Variants in SHPRH observed in about 807,000 individuals in gnomAD.
SHPRH encodes the protein E3 ubiquitin-protein ligase SHPRH.
Under a neutral mutation model 202.5 loss-of-function variants are expected in SHPRH, and 106 were observed. That is an observed-to-expected ratio of 0.52 (90% CI 0.45 to 0.62). The LOEUF (loss-of-function observed/expected upper bound fraction) is 0.62. Ranked by LOEUF, SHPRH falls within the 20% of genes least tolerant of loss-of-function variation. SHPRH has a pLI of 0.00. For missense variants in SHPRH, 1,710 were observed against 2,020.0 expected (o/e 0.85, Z 2.94); for synonymous variants, 729 against 686.0 (o/e 1.06, Z -0.98).
At position 145,954,691 on chromosome 6, in the gene SHPRH, T is replaced by C; in HGVS notation, c.632A>G (p.Lys211Arg). 6.4e-7 allele frequency: 1 copy of C among 1,572,914 alleles called. No homozygotes were observed. Among genetic ancestry groups the C allele is most frequent in the Non-Finnish European group, 8.6e-7 (1 of 1,165,998 alleles). The change falls in exon 2 of 30, where the codon AAG becomes AGG. Residue 211 changes from lysine to arginine, a missense_variant and splice_region_variant. Transcript: ENST00000275233. ...AAGACACCACAAAAAACTGAGTACCTTGATAATGTGATTTCCTTCTGGTTT... is the reference window on the plus strand; with the variant it reads ...AAGACACCACAAAAAACTGAGTACCCTGATAATGTGATTTCCTTCTGGTTT... Reference protein sequence around the residue: ...YQKPEGNHIIKVGIYLLEAGL... With the variant: ...YQKPEGNHIIRVGIYLLEAGL...
At position 145,874,184 on chromosome 6, in the gene SHPRH, G is replaced by A. The variant is rs202017380; in HGVS notation, c.222-9693C>T. On this transcript the variant is annotated intron_variant, in intron 2 of 2. Coordinates refer to the SHPRH transcript ENST00000417762. ...TTGCACTCCAGTCTGGGCAACAAGAGTGAAACTCCATCTCAAAAATAATAA... is the reference window on the plus strand; with the variant it reads ...TTGCACTCCAGTCTGGGCAACAAGAATGAAACTCCATCTCAAAAATAATAA... Among the ~76,000 whole-genome samples the A allele has an allele frequency of 2.2e-4, 33 of 150,380 alleles. No individual in the cohort carries two copies. In the East Asian group the frequency reaches 5.8e-3, roughly 26 times the overall value.
downstream of SHPRH, chr6:145,862,626 C>T (rs907761703): frequency 6.6e-6 from 1 of 152,192 alleles, no homozygotes; most frequent in Non-Finnish European, 1.5e-5. Context: ...CTTGTTTTTA[C>T]GTTCACAGCA....
At chr6:145,874,987 C>A (rs1303637334) in intron 2 of SHPRH, among the ~76,000 whole-genome samples, 1 of 152,134 alleles carries the variant, frequency 6.6e-6, no homozygotes, top group East Asian at 1.9e-4. Flanking sequence ...CATCCCAAAT[C>A]CCAAAATCCC....
intron 23 of SHPRH, 83 bp downstream of exon 23, chr6:145,918,048 G>C (rs1378756093): frequency 1.3e-5 from 13 of 972,516 alleles, no homozygotes; most frequent in Non-Finnish European, 1.7e-5. Context: ...ACAACAATTT[G>C]CACCATTAAT....
intron 17 of SHPRH, 113 bp downstream of exon 17, chr6:145,924,626 T>C: frequency 1.3e-6 from 1 of 779,460 alleles, no homozygotes; most frequent in Non-Finnish European, 2.1e-6. Flanking sequence ...ATGTGCTAGG[T>C]GCTAAGGATT....
intron 24 of SHPRH, 24 bp downstream of exon 24, chr6:145,913,454 A>G (rs765204669): frequency 6.3e-7 from 1 of 1,586,092 alleles, no homozygotes; most frequent in Non-Finnish European, 8.6e-7. Context: ...TTATAAATGC[A>G]TGTGATGTTT....
chr6:145,936,159 A>C (rs1786047401), intron 11 of SHPRH, among the ~76,000 whole-genome samples: 1 of 151,956 alleles, frequency 6.6e-6, no homozygotes, highest in East Asian at 1.9e-4. Context: ...CACTTAACAT[A>C]CCCTAAACAG....
At position 145,940,754 on chromosome 6, in the gene SHPRH, G is replaced by A. The variant is rs1166729818; in HGVS notation, c.2538C>T (p.Ile846=). The change falls in exon 11 of 30, where the codon ATC becomes ATT. Residue 846 remains isoleucine, a synonymous_variant. Coordinates refer to ENST00000275233, the MANE Select transcript of SHPRH (RefSeq NM_001042683.3). ...QRLSGINRWC[I]SGTPVQRGLE... The stretch of plus-strand genomic sequence containing the variant: ...ATCCTCTCTGTACTGGAGTGCCACT[G>A]ATACACCATCGATTAATCCCACTCA... 6.2e-7 allele frequency: 1 copy of A among 1,613,782 alleles called. No homozygotes were observed. The highest frequency in any genetic ancestry group is 1.3e-5 in the African/African-American group (1 of 75,000).
At position 145,943,323 on chromosome 6, in the gene SHPRH, T is replaced by C. The variant is rs1308821910; in HGVS notation, c.2058A>G (p.Ala686=). The C allele has an allele frequency of 6.2e-7, 1 of 1,613,866 alleles. No individual in the cohort carries two copies. Among genetic ancestry groups the C allele is most frequent in the South Asian group, 1.1e-5 (1 of 91,068 alleles). The part of the protein sequence containing the change: ...QCLKCHLWQH[A]KCVNYDEKNL... ...TTTTCTCATCATAATTCACACACTT[T>C]GCATGTTGCCACAGGTGACACTTCA... Residue 686 remains alanine, a synonymous_variant, in exon 9 of 30, where the codon GCA becomes GCG. Transcript: ENST00000275233.
At chr6:145,911,215 C>T (rs2128737089) in intron 24 of SHPRH, among the ~76,000 whole-genome samples, 1 of 152,174 alleles carries the variant, frequency 6.6e-6, no homozygotes, top group East Asian at 1.9e-4. Flanking sequence ...TGCAACCTTG[C>T]AACCTCCACC....
rs1781717974 is a variant in SHPRH at position 145,893,207 on chromosome 6, G to A, written c.4874+8C>T. On this transcript the variant is annotated splice_region_variant and intron_variant, in intron 28 of 29. Transcript: ENST00000275233. ...GCAAATGTGACTGATTCTAATTTTAGTCCTTACTTTGTCTGTCCAATTCGG... is the reference window on the plus strand; with the variant it reads ...GCAAATGTGACTGATTCTAATTTTAATCCTTACTTTGTCTGTCCAATTCGG... 6.6e-7 allele frequency: 1 copy of A among 1,507,260 alleles called. No homozygotes were observed. The highest frequency in any genetic ancestry group is 1.4e-5 in the African/African-American group (1 of 70,148). 93.4% of individuals were successfully genotyped at this position (1,507,260 alleles called of 1,614,324 possible). A position where few individuals can be genotyped will look rare whatever the true frequency, so the allele number is the denominator to read the frequency against.
At chr6:145,886,863 C>T in intron 29 of SHPRH, 76 bp from the exon 30 acceptor site, 2 of 1,448,152 alleles carry the variant, frequency 1.4e-6, no homozygotes. Flanking sequence ...GTAATACGAA[C>T]TAGACACATA....
the SHPRH span, among the ~76,000 whole-genome samples, chr6:145,858,418 G>T: frequency 6.8e-4 from 104 of 152,062 alleles, no homozygotes; most frequent in African/African-American, 2.4e-3. Context: ...CAATTTGGAT[G>T]AATCTTAAAA....
At chr6:145,887,537 T>TG (rs1781162895) in intron 29 of SHPRH, among the ~76,000 whole-genome samples, 1 of 147,940 alleles carries the variant, frequency 6.8e-6, no homozygotes, top group African/African-American at 2.5e-5. Flanking sequence ...AAGTTTGTTT[T>TG]TTTTTTTTTT....
intron 25 of SHPRH, chr6:145,905,119 T>G (rs1425093322): frequency 6.6e-6 from 1 of 152,182 alleles, no homozygotes; most frequent in African/African-American, 2.4e-5. Flanking sequence ...TTCTTTCTTA[T>G]GCCAGTTCCT....
chr6:145,926,291 A>G lies in SHPRH; in HGVS notation c.3207T>C (p.Leu1069=). The G allele has an allele frequency of 6.2e-7, 1 of 1,612,582 alleles. No homozygotes were observed. The highest frequency in any genetic ancestry group is 8.5e-7 in the Non-Finnish European group (1 of 1,179,004). The part of the protein sequence containing the change: ...GKLKTDSLQR[L]HATHNLMELL... ...ATTCCATCAAGTTATGGGTAGCATGAAGTCTCTACAAACATATCAAAGGCA... is the reference window on the plus strand; with the variant it reads ...ATTCCATCAAGTTATGGGTAGCATGGAGTCTCTACAAACATATCAAAGGCA... Residue 1069 remains leucine, a synonymous_variant, in exon 16 of 30, where the codon CTT becomes CTC. Coordinates refer to ENST00000275233, the MANE Select transcript of SHPRH (RefSeq NM_001042683.3).
rs369300017 is a variant in SHPRH at position 145,947,566 on chromosome 6, G to T, written c.1139C>A (p.Thr380Lys). 6.2e-7 allele frequency: 1 copy of T among 1,612,834 alleles called. No homozygotes were observed. The highest frequency in any genetic ancestry group is 1.3e-5 in the African/African-American group (1 of 74,816). Residue 380 changes from threonine to lysine, a missense_variant, in exon 6 of 30, where the codon ACA (threonine) becomes AAA (lysine). Around this residue, in one of 8 missense-constraint regions of SHPRH, gnomAD observed 6 missense variants for 20.1 expected, o/e 0.30. Coordinates refer to ENST00000275233, the MANE Select transcript of SHPRH (RefSeq NM_001042683.3). The part of the protein sequence containing the change: ...ILADEMGLGK[T>K]VEVLALILTH... Reference sequence around the variant, plus strand: ...CAGAATCAGAGCCAAAACCTCCACTGTCTTTCCAAGACCCATCTCATCTGC... The same window carrying T: ...CAGAATCAGAGCCAAAACCTCCACTTTCTTTCCAAGACCCATCTCATCTGC...
intron 2 of SHPRH, chr6:145,870,989 C>T (rs1377307171): frequency 3.3e-5 from 5 of 152,088 alleles, no homozygotes; most frequent in Admixed American, 2.6e-4. Flanking sequence ...AAAAGGCCTT[C>T]GATAAAAATC....
intron 14 of SHPRH, among the ~76,000 whole-genome samples, chr6:145,927,610 C>T (rs1400344609): frequency 6.6e-6 from 1 of 151,526 alleles, no homozygotes; most frequent in East Asian, 1.9e-4. Flanking sequence ...AAAATTTCCT[C>T]TTGCTGAAGT....
Sources: gnomAD v4.1 joint callset for allele counts (sites outside exome capture counted in the v4.1 genomes callset) on GRCh38, gnomAD v4.1.1 for gene constraint, gnomAD v4.1.1 regional missense constraint, MANE v1.5 for transcripts, NCBI Gene and HGNC (gene_info 2026-07-23, HGNC 2026-07-21) for gene names.